Variants in STXBP6 observed in about 807,000 individuals in gnomAD.
The protein encoded by STXBP6 is syntaxin-binding protein 6.
Under a neutral mutation model 26.9 loss-of-function variants are expected in STXBP6, and 21 were observed. That is an observed-to-expected ratio of 0.78 (90% CI 0.55 to 1.12). The LOEUF is 1.12. Ranked by LOEUF, STXBP6 falls within the 50% of genes most tolerant of loss-of-function variation. The pLI, the probability that STXBP6 is intolerant of heterozygous loss-of-function variation, is 0.00. For missense variants in STXBP6, 232 were observed against 257.9 expected, an observed-to-expected ratio of 0.90 and a Z score of 0.69; for synonymous variants, 97 against 92.6, an observed-to-expected ratio of 1.05 and a Z score of -0.27.
intron 1 of STXBP6, among the ~76,000 whole-genome samples, chr14:24,987,020 G>A (rs1160101794): frequency 6.6e-6 from 1 of 152,010 alleles, no homozygotes; most frequent in Non-Finnish European, 1.5e-5. Context: ...GCATGTTCCA[G>A]AAAATAACTA....
At chr14:24,822,811 T>C (rs1222759732) in intron 4 of STXBP6, among the ~76,000 whole-genome samples, 1 of 152,200 alleles carries the variant, frequency 6.6e-6, no homozygotes, top group African/African-American at 2.4e-5. Flanking sequence ...AGATACTCCT[T>C]ACATACCTTT....
At chr14:24,893,328 T>A (rs2070861016) in intron 2 of STXBP6, among the ~76,000 whole-genome samples, 1 of 152,206 alleles carries the variant, frequency 6.6e-6, no homozygotes, top group South Asian at 2.1e-4. Context: ...GCCACAAACC[T>A]AAAGAACTTA....
intron 1 of STXBP6, among the ~76,000 whole-genome samples, chr14:25,013,941 T>C (rs1195667008): frequency 1.3e-5 from 2 of 152,216 alleles, no homozygotes; most frequent in Non-Finnish European, 2.9e-5. Context: ...AGAGAATTTT[T>C]TTAGTGTAAT....
At chr14:24,864,624 G>GA (rs761351294) in intron 2 of STXBP6, among the ~76,000 whole-genome samples, 6 of 150,950 alleles carry the variant, frequency 4.0e-5, no homozygotes, top group South Asian at 2.1e-4. Flanking sequence ...ATTCCAAAGG[G>GA]AAAAAAAAGG....
chr14:24,927,160 G>A (rs1264026967), intron 2 of STXBP6, among the ~76,000 whole-genome samples: 1 of 152,194 alleles, frequency 6.6e-6, no homozygotes, highest in East Asian at 1.9e-4. Context: ...ATTAGGCACT[G>A]TTACTCATTA....
At chr14:24,864,361 T>A (rs2069644099) in intron 2 of STXBP6, among the ~76,000 whole-genome samples, 1 of 152,136 alleles carries the variant, frequency 6.6e-6, no homozygotes. Context: ...ATGTCATACG[T>A]GGTAGAAATT....
At chr14:24,937,594 C>T (rs190230918) in intron 2 of STXBP6, among the ~76,000 whole-genome samples, 32 of 152,020 alleles carry the variant, frequency 2.1e-4, no homozygotes, top group African/African-American at 7.0e-4. Flanking sequence ...AGATGCATCC[C>T]AATTTCATTA....
At chr14:25,034,769 T>C (rs1444658233) in intron 1 of STXBP6, among the ~76,000 whole-genome samples, 2 of 152,234 alleles carry the variant, frequency 1.3e-5, no homozygotes, top group Non-Finnish European at 2.9e-5. Context: ...CTATTAATAT[T>C]TTAATCAATA....
At chr14:24,863,450 T>A (rs2069614537) in intron 2 of STXBP6, among the ~76,000 whole-genome samples, 1 of 152,194 alleles carries the variant, frequency 6.6e-6, no homozygotes, top group Admixed American at 6.5e-5. Context: ...CAGGTTCAAC[T>A]GTTTAGTTTC....
At chr14:24,990,659 C>CAAAAAAAAAAAA (rs1211659589) in intron 1 of STXBP6, among the ~76,000 whole-genome samples, 3 of 57,328 alleles carry the variant, frequency 5.2e-5, no homozygotes, top group Admixed American at 2.1e-4. Flanking sequence ...AACTCCATCT[C>CAAAAAAAAAAAA]AAAAAAAAAA....
chr14:25,003,689 C>T (rs2074821239), intron 1 of STXBP6, among the ~76,000 whole-genome samples: 1 of 151,758 alleles, frequency 6.6e-6, no homozygotes, highest in South Asian at 2.1e-4. Context: ...TTTTGGATCA[C>T]ATCCTACTAC....
chr14:24,817,711 C>A (rs1468492129), intron 5 of STXBP6: 2 of 179,818 alleles, frequency 1.1e-5, no homozygotes, highest in Admixed American at 1.3e-4. Flanking sequence ...ACTAGGGAGA[C>A]CTTCAATCCA....
intron 2 of STXBP6, among the ~76,000 whole-genome samples, chr14:24,883,246 A>G (rs1483675461): frequency 6.6e-6 from 1 of 152,172 alleles, no homozygotes; most frequent in Non-Finnish European, 1.5e-5. Flanking sequence ...AATACTGCTA[A>G]AAGCATGTTT....
At chr14:25,004,036 G>T (rs977758588) in intron 1 of STXBP6, among the ~76,000 whole-genome samples, 3 of 152,246 alleles carry the variant, frequency 2.0e-5, no homozygotes, top group Non-Finnish European at 4.4e-5. Context: ...AAAGAGAGTT[G>T]AGGCCTGGTG....
At position 25,007,999 on chromosome 14, in the gene STXBP6, G is replaced by A. The variant is rs189235521; in HGVS notation, c.-32-33149C>T. 5.3e-5 allele frequency among the ~76,000 whole-genome samples: 8 copies of A among 152,186 alleles called. No homozygotes were observed. The East Asian group carries it at 1.5e-3, about 29-fold the overall frequency. On this transcript the variant is annotated intron_variant, in intron 1 of 5. Transcript: ENST00000323944. ...TGCAGGCCTGGCTCACTTTCACCTG[G>A]CTCCCACTCTACTACAGAGTCCTGC...
intron 1 of STXBP6, among the ~76,000 whole-genome samples, chr14:24,976,553 G>T (rs912737344): frequency 2.6e-5 from 4 of 152,150 alleles, no homozygotes; most frequent in African/African-American, 9.7e-5. Context: ...ACAGTGGAGG[G>T]GGACCTGTTT....
intron 2 of STXBP6, among the ~76,000 whole-genome samples, chr14:24,868,185 T>A (rs929233541): frequency 6.6e-6 from 1 of 151,992 alleles, no homozygotes; most frequent in African/African-American, 2.4e-5. Context: ...GAAGACAGAG[T>A]GAGACTCTGT....
chr14:24,849,701 A>G (rs1057503237), intron 4 of STXBP6, among the ~76,000 whole-genome samples: 3 of 152,132 alleles, frequency 2.0e-5, no homozygotes, highest in Admixed American at 6.6e-5. Context: ...ACTATAAGAA[A>G]CATTTCACTG....
At position 24,810,612 on chromosome 14, in the gene STXBP6, T is replaced by C. The variant is rs1032639629; in HGVS notation, c.*2097A>G. ...TGAGGAAAGAGGGCAAGACATGGAA[T>C]ACTTATATTTATCAAGAGTAACTAT... On this transcript the variant is annotated 3_prime_UTR_variant, in exon 6 of 6. Transcript: ENST00000323944. 1 of 152,202 alleles carries C rather than the reference T, an allele frequency of 6.6e-6. No homozygotes were observed. The highest frequency in any genetic ancestry group is 1.5e-5 in the Non-Finnish European group (1 of 68,028). The allele number at this position is 152,202 out of a possible 1,614,324, so 9.4% of individuals were successfully genotyped here.
Sources: gnomAD v4.1 joint callset for allele counts (sites outside exome capture counted in the v4.1 genomes callset) on GRCh38, gnomAD v4.1.1 for gene constraint, MANE v1.5 for transcripts, NCBI Gene and HGNC (gene_info 2026-07-23, HGNC 2026-07-21) for gene names.